Variants in DDX54 observed in about 807,000 individuals in gnomAD.
The protein encoded by DDX54 is DEAD-box helicase 54, also known as ATP-dependent RNA helicase DDX54.
A neutral mutation model predicts 105.5 loss-of-function variants in DDX54; 67 were observed. The ratio of observed to expected loss-of-function variants is 0.64; its 90% CI spans 0.52 to 0.78. The LOEUF (loss-of-function observed/expected upper bound fraction) is 0.78. DDX54 is among the 30% of genes least tolerant of loss of function. The probability of loss-of-function intolerance (pLI) is 0.00; values close to 1 mark genes in which losing one functional copy is unlikely to be tolerated. For missense variants in DDX54, 1,206 were observed against 1,230.5 expected (o/e 0.98, Z 0.30); for synonymous variants, 514 against 509.9 (o/e 1.01, Z -0.11).
chr12:113,178,858 A>AATGAGCAC, intron 5 of DDX54, 119 bp downstream of exon 5: 2 of 1,370,858 alleles, frequency 1.5e-6, no homozygotes, highest in Non-Finnish European at 2.0e-6. Flanking sequence ...GGGTTTTTTG[A>AATGAGCAC]ATGAGCACAG....
chr12:113,171,836 C>T (rs562038561), intron 11 of DDX54, among the ~76,000 whole-genome samples: 11 of 152,224 alleles, frequency 7.2e-5, no homozygotes, highest in Admixed American at 3.9e-4. Context: ...ACAGCTGTTC[C>T]GTGACTTACG....
chr12:113,158,907 G>A lies in DDX54; in HGVS notation c.2616C>T (p.Ser872=), dbSNP rs1566090966. The A allele has an allele frequency of 6.2e-7, 1 of 1,607,078 alleles. No homozygotes were observed. The highest frequency in any genetic ancestry group is 8.5e-7 in the Non-Finnish European group (1 of 1,175,018). ...TCCTCTTCCGCATCTTGCCCTTCTT[G>A]GAGCGGGCACCCCGGCCGAAGGCGC... ...QQGAFGRGAR[S]KKGKMRKRM The change falls in exon 20 of 20, where the codon TCC becomes TCT. Residue 872 remains serine (S), a synonymous_variant. Coordinates refer to ENST00000306014, the MANE Select transcript of DDX54 (RefSeq NM_024072.4). The surrounding 1 kb of genome is among the most constrained non-coding windows in gnomAD (Gnocchi z 4.9).
At chr12:113,160,751 A>G (rs1253482446) in intron 19 of DDX54, among the ~76,000 whole-genome samples, 1 of 152,182 alleles carries the variant, frequency 6.6e-6, no homozygotes, top group Non-Finnish European at 1.5e-5. Context: ...CTTTGGTGAC[A>G]TGAACTTCCC....
At position 113,158,757 on chromosome 12, in the gene DDX54, G is replaced by T; in HGVS notation, c.*120C>A. ...ACAGTGCTCCTTTTCACAGATGATG[G>T]CTCCTGCAGGGAGTGCCCCCAGTGC... On this transcript the variant is annotated 3_prime_UTR_variant, in exon 20 of 20. Transcript: ENST00000306014. The surrounding 1 kb of genome is among the most constrained non-coding windows in gnomAD (Gnocchi z 4.9). The T allele has an allele frequency of 9.0e-7, 1 of 1,111,046 alleles. No individual in the cohort carries two copies. Among genetic ancestry groups the T allele is most frequent in the Non-Finnish European group, 1.3e-6 (1 of 794,074 alleles). 68.8% of individuals were successfully genotyped at this position (1,111,046 alleles called of 1,614,324 possible).
At position 113,177,109 on chromosome 12, in the gene DDX54, G is replaced by A. The variant is rs190461563; in HGVS notation, c.615-16C>T. 2,294 of 1,613,676 alleles carry A rather than the reference G, an allele frequency of 1.4e-3. 2 individuals are homozygous for A. Among genetic ancestry groups the A allele is most frequent in the Non-Finnish European group, 1.8e-3 (2,143 of 1,179,782 alleles). ...GTCTTCCATCCTAGAGAGGAGAGAAGGGGTTAGCTTGATAGAACAGGTCTC... is the reference window on the plus strand; with the variant it reads ...GTCTTCCATCCTAGAGAGGAGAGAAAGGGTTAGCTTGATAGAACAGGTCTC... On this transcript the variant is annotated splice_polypyrimidine_tract_variant and intron_variant, in intron 5 of 19. Transcript: ENST00000306014.
intron 17 of DDX54, chr12:113,162,720 T>A: frequency 2.1e-6 from 1 of 481,372 alleles, no homozygotes; most frequent in Non-Finnish European, 3.6e-6. Flanking sequence ...ACCCCAGGCA[T>A]GGAGGGGCAG....
chr12:113,168,246 A>G (rs1019440868), intron 12 of DDX54, among the ~76,000 whole-genome samples: 1 of 152,190 alleles, frequency 6.6e-6, no homozygotes, highest in African/African-American at 2.4e-5. Flanking sequence ...AGAGACCACC[A>G]CTGGCAGCCA....
intron 2 of DDX54, among the ~76,000 whole-genome samples, chr12:113,180,259 G>T (rs1952451301): frequency 6.6e-6 from 1 of 152,146 alleles, no homozygotes; most frequent in Non-Finnish European, 1.5e-5. Flanking sequence ...ACACTAACGG[G>T]GTCTTAGGTG....
chr12:113,177,466 C>T (rs555057255), intron 5 of DDX54: 27 of 218,982 alleles, frequency 1.2e-4, no homozygotes, highest in African/African-American at 5.6e-4. Context: ...TATCAGCTCC[C>T]GTCCTTAAAC....
rs1208709490 is a variant in DDX54 at position 113,165,831 on chromosome 12, A to G, written c.1616T>C (p.Leu539Pro). Residue 539 changes from leucine to proline, a missense_variant, in exon 13 of 20, where the codon CTT becomes CCT. Transcript: ENST00000306014. ...GAGGGGGTGCAGGCCCAGCCCCACA[A>G]GGTCCATCTCCTTGGCCCTCTTGAT... The part of the protein sequence containing the change: ...ESIKRAKEMD[L>P]VGLGLHPLFS... The G allele has an allele frequency of 6.2e-7, 1 of 1,609,272 alleles. No individual in the cohort carries two copies. The highest frequency in any genetic ancestry group is 1.7e-5 in the Admixed American group (1 of 59,856).
chr12:113,163,980 G>A lies in DDX54; in HGVS notation c.1938+87C>T. The stretch of plus-strand genomic sequence containing the variant: ...CATCCACCTCCATCCACTGCTCAAA[G>A]ATCCTAGGACAGCCTCATGGGCTGC... On this transcript the variant is annotated intron_variant, in intron 15 of 19. Transcript: ENST00000306014. The surrounding 1 kb of genome is among the most constrained non-coding windows in gnomAD (Gnocchi z 5.9). The A allele has an allele frequency of 6.9e-7, 1 of 1,451,128 alleles. No homozygotes were observed. Among genetic ancestry groups the A allele is most frequent in the Non-Finnish European group, 9.1e-7 (1 of 1,100,238 alleles). The allele number at this position is 1,451,128 out of a possible 1,614,324, so 89.9% of individuals were successfully genotyped here.
chr12:113,164,075 T>C lies in DDX54; in HGVS notation c.1930A>G (p.Ser644Gly), dbSNP rs1297921160. The C allele has an allele frequency of 1.3e-6, 2 of 1,547,680 alleles. No individual in the cohort carries two copies. Among genetic ancestry groups the C allele is most frequent in the Admixed American group, 3.9e-5 (2 of 50,856 alleles). ...EKEEEEEAGE[S>G]VEDIFSEVVG... ...CAGGGTGGAACCTGTACCTCCACAC[T>C]CTCTCCCGCCTCCTCCTCCTCCTCC... The change falls in exon 15 of 20, where the codon AGT becomes GGT. Residue 644 changes from serine to glycine, a missense_variant. Physicochemically the swap from Ser to Gly is moderately conservative, Grantham distance 56. Coordinates refer to ENST00000306014, the MANE Select transcript of DDX54 (RefSeq NM_024072.4).
chr12:113,169,739 G>C (rs1952313462), intron 12 of DDX54, 31 bp downstream of exon 12: 1 of 1,607,996 alleles, frequency 6.2e-7, no homozygotes, highest in African/African-American at 1.3e-5. Flanking sequence ...AACTCCACGG[G>C]GACCCCTATC....
intron 14 of DDX54, among the ~76,000 whole-genome samples, 155 bp downstream of exon 14, chr12:113,165,489 A>G (rs1171462396): frequency 6.6e-6 from 1 of 152,178 alleles, no homozygotes; most frequent in Non-Finnish European, 1.5e-5. Flanking sequence ...AGAAGCTCAG[A>G]TGAAAATCCC....
rs1440288742 is a variant in DDX54 at position 113,181,028 on chromosome 12, G to C, written c.205C>G (p.Pro69Ala). The change falls in exon 2 of 20, where the codon CCC (proline) becomes GCC (alanine). Residue 69 changes from proline (P) to alanine (A), a missense_variant. By Grantham distance (27) the Pro-to-Ala change is conservative (BLOSUM62 -1). Transcript: ENST00000306014. Reference protein sequence around the residue: ...LGPGRPLPTFPTSECTSDVEP... With the variant: ...LGPGRPLPTFATSECTSDVEP... The stretch of plus-strand genomic sequence containing the variant: ...ACATCCGAGGTGCATTCCGAGGTGG[G>C]GAAGGTGGGCAGGGGTCTTCCAGGT... 6.2e-7 allele frequency: 1 copy of C among 1,613,310 alleles called. No individual in the cohort carries two copies. Among genetic ancestry groups the C allele is most frequent in the African/African-American group, 1.3e-5 (1 of 74,904 alleles).
At position 113,162,947 on chromosome 12, in the gene DDX54, C is replaced by T. The variant is rs760686446; in HGVS notation, c.2180G>A (p.Arg727Gln). 1.5e-5 allele frequency: 24 copies of T among 1,601,432 alleles called. No individual in the cohort carries two copies. Among genetic ancestry groups the T allele is most frequent in the South Asian group, 5.5e-5 (5 of 90,116 alleles). Reference protein sequence around the residue: ...GDEAQNLTRGRQQLKWDRKKK... With the variant: ...GDEAQNLTRGQQQLKWDRKKK... ...GATCACTCACCACTTGAGCTGCTGC[C>T]GGCCCCTCGTCAGGTTCTGGGCTTC... Residue 727 changes from arginine (R) to glutamine (Q), a missense_variant, in exon 17 of 20, where the codon CGG (arginine) becomes CAG (glutamine). Around this residue, in one of 3 missense-constraint regions of DDX54, gnomAD observed 961 missense variants for 1,019.1 expected, o/e 0.94. Transcript: ENST00000306014.
At chr12:113,162,273 G>A (rs1952217178) in intron 17 of DDX54, among the ~76,000 whole-genome samples, 1 of 152,140 alleles carries the variant, frequency 6.6e-6, no homozygotes, top group Admixed American at 6.5e-5. Context: ...GGGCCTCCTG[G>A]AGGGTTTCCA....
In DDX54 at chr12:113,157,574, G is replaced by C; in HGVS notation, c.*1303C>G. ...GGCTGGACAGTGACTCTGGGGCTGG[G>C]ATGTGACTTCGTGCTGGGCCCCCCC... On this transcript the variant is annotated 3_prime_UTR_variant, in exon 20 of 20. Transcript: ENST00000306014. 6.5e-7 allele frequency: 1 copy of C among 1,548,056 alleles called. No homozygotes were observed. The highest frequency in any genetic ancestry group is 8.7e-7 in the Non-Finnish European group (1 of 1,143,848).
intron 5 of DDX54, 85 bp from the exon 6 acceptor site, chr12:113,177,178 C>T (rs2136324354): frequency 2.0e-6 from 3 of 1,505,872 alleles, no homozygotes; most frequent in East Asian, 4.5e-5. Flanking sequence ...CAAGGCTGCA[C>T]ACCCCATCCC....
Sources: gnomAD v4.1 joint callset for allele counts (sites outside exome capture counted in the v4.1 genomes callset) on GRCh38, gnomAD v4.1.1 for gene constraint, gnomAD v4.1.1 regional missense constraint, Gnocchi (gnomAD v3.1) non-coding constraint, MANE v1.5 for transcripts, NCBI Gene and HGNC (gene_info 2026-07-23, HGNC 2026-07-21) for gene names.